Variants in NKAIN2 observed in about 807,000 individuals in gnomAD.
NKAIN2 encodes the protein sodium/potassium-transporting ATPase subunit beta-1-interacting protein 2.
A neutral mutation model predicts 32.6 loss-of-function variants in NKAIN2; 14 were observed. The ratio of observed to expected loss-of-function variants is 0.43; its 90% CI spans 0.28 to 0.67. NKAIN2 has a LOEUF of 0.67. NKAIN2 is among the 30% of genes least tolerant of loss of function. The pLI is 0.17. For synonymous variants in NKAIN2, 80 were observed against 87.2 expected, an observed-to-expected ratio of 0.92 and a Z score of 0.46; for missense variants, 198 against 258.3, an observed-to-expected ratio of 0.77 and a Z score of 1.60.
intron 2 of NKAIN2, among the ~76,000 whole-genome samples, chr6:124,348,149 G>C (rs1322653004): frequency 2.0e-5 from 3 of 152,132 alleles, no homozygotes; most frequent in Non-Finnish European, 4.4e-5. Context: ...GCAGAACCGT[G>C]GATTTTCGTG....
chr6:124,819,639 G>C (rs919931098), intron 6 of NKAIN2, among the ~76,000 whole-genome samples: 8 of 152,026 alleles, frequency 5.3e-5, no homozygotes, highest in African/African-American at 7.2e-5. Context: ...CCTCCATATG[G>C]CTGCCAAATT....
At chr6:124,645,747 G>A (rs935500774) in intron 3 of NKAIN2, among the ~76,000 whole-genome samples, 3 of 152,170 alleles carry the variant, frequency 2.0e-5, no homozygotes, top group Non-Finnish European at 4.4e-5. Context: ...CAACATGAAA[G>A]TTAAAGATAA....
chr6:124,605,331 A>G (rs1233056797), intron 3 of NKAIN2, among the ~76,000 whole-genome samples: 1 of 152,086 alleles, frequency 6.6e-6, no homozygotes, highest in Non-Finnish European at 1.5e-5. Context: ...TTGCATAGGC[A>G]CTATTTTCAA....
Position 124,438,137 on chromosome 6 carries a change from T to A in NKAIN2, c.273+82790T>A, listed in dbSNP as rs938106189. On this transcript the variant is annotated intron_variant, in intron 3 of 6. Transcript: ENST00000368417. ...AGCTTGTCATTGTTTTCATCATTAT[T>A]GGAAAATTTGACATAATTTGTAATC... 1.2e-4 allele frequency among the ~76,000 whole-genome samples: 19 copies of A among 152,122 alleles called. 1 individual carries two copies. Among genetic ancestry groups the A allele is most frequent in the Admixed American group, 1.0e-3 (16 of 15,266 alleles).
intron 4 of NKAIN2, among the ~76,000 whole-genome samples, chr6:124,780,928 G>A (rs1779233402): frequency 1.3e-5 from 2 of 152,150 alleles, no homozygotes; most frequent in African/African-American, 4.8e-5. Flanking sequence ...TCTCCTACAT[G>A]CTCCAGGTTT....
intron 1 of NKAIN2, among the ~76,000 whole-genome samples, chr6:123,806,057 A>G (rs1332864167): frequency 6.6e-6 from 1 of 152,160 alleles, no homozygotes; most frequent in Non-Finnish European, 1.5e-5. Flanking sequence ...TGATAAAGCT[A>G]AAGGTTCCTT....
intron 1 of NKAIN2, among the ~76,000 whole-genome samples, chr6:124,021,020 A>AT (rs1357099893): frequency 8.5e-5 from 13 of 152,116 alleles, no homozygotes. Context: ...CTCCTCATTC[A>AT]TTTACTCTCA....
At chr6:124,423,975 T>C (rs577807146) in intron 3 of NKAIN2, among the ~76,000 whole-genome samples, 4 of 152,198 alleles carry the variant, frequency 2.6e-5, no homozygotes, top group Non-Finnish European at 5.9e-5. Context: ...TATTATACTG[T>C]TGTAAACACT....
At chr6:123,813,788 CAG>C (rs1400275282) in intron 1 of NKAIN2, among the ~76,000 whole-genome samples, 1 of 151,662 alleles carries the variant, frequency 6.6e-6, no homozygotes, top group African/African-American at 2.4e-5. Flanking sequence ...GCCTGGGCAA[CAG>C]AGCGAAATCC....
chr6:124,266,105 A>G (rs1794481782), intron 1 of NKAIN2, among the ~76,000 whole-genome samples: 1 of 152,138 alleles, frequency 6.6e-6, no homozygotes. Flanking sequence ...TTAATGTAAT[A>G]TTTTTTGAAT....
chr6:124,495,300 T>C (rs916822085), intron 3 of NKAIN2, among the ~76,000 whole-genome samples: 1 of 152,130 alleles, frequency 6.6e-6, no homozygotes, highest in Non-Finnish European at 1.5e-5. Context: ...TTAAGAGTAA[T>C]TGAATGTGAG....
intron 1 of NKAIN2, among the ~76,000 whole-genome samples, chr6:124,069,258 A>T (rs930957086): frequency 3.3e-5 from 5 of 151,966 alleles, no homozygotes; most frequent in African/African-American, 9.7e-5. Flanking sequence ...TTCACAGTCA[A>T]CTCAATTCTA....
chr6:123,934,871 T>G (rs1776427254), intron 1 of NKAIN2, among the ~76,000 whole-genome samples: 1 of 151,712 alleles, frequency 6.6e-6, no homozygotes, highest in Non-Finnish European at 1.5e-5. Context: ...CTAGAAAAGT[T>G]GTAAAATCTA....
intron 1 of NKAIN2, among the ~76,000 whole-genome samples, chr6:123,816,488 A>G (rs1055050014): frequency 6.6e-6 from 1 of 152,164 alleles, no homozygotes; most frequent in African/African-American, 2.4e-5. Context: ...CCCCGGTGAA[A>G]TTAGGTGGCA....
intron 5 of NKAIN2, among the ~76,000 whole-genome samples, chr6:124,799,033 C>T (rs1047379221): frequency 2.0e-5 from 3 of 152,194 alleles, no homozygotes; most frequent in African/African-American, 7.2e-5. Context: ...ATGACATCTC[C>T]TCAGAATTCA....
chr6:124,762,622 T>C (rs1778324227), intron 4 of NKAIN2, among the ~76,000 whole-genome samples: 1 of 152,214 alleles, frequency 6.6e-6, no homozygotes, highest in Non-Finnish European at 1.5e-5. Context: ...TGTTATTTTG[T>C]TTTTGAAAGA....
intron 3 of NKAIN2, among the ~76,000 whole-genome samples, chr6:124,623,465 TAAAC>T (rs1388734423): frequency 1.3e-5 from 2 of 152,090 alleles, no homozygotes; most frequent in Admixed American, 6.6e-5. Flanking sequence ...AGTATGAAAA[TAAAC>T]AGAAAAGAAA....
chr6:124,509,039 A>G (rs1166075152), intron 3 of NKAIN2, among the ~76,000 whole-genome samples: 4 of 152,326 alleles, frequency 2.6e-5, no homozygotes, highest in South Asian at 2.1e-4. Flanking sequence ...CCTGCGGCTT[A>G]GGACTTCGAT....
chr6:123,848,141 T>A (rs1286153416), intron 1 of NKAIN2, among the ~76,000 whole-genome samples: 1 of 152,184 alleles, frequency 6.6e-6, no homozygotes, highest in Non-Finnish European at 1.5e-5. Context: ...ACTGTATACA[T>A]TTACTGTTAT....
Sources: gnomAD v4.1 joint callset for allele counts (sites outside exome capture counted in the v4.1 genomes callset) on GRCh38, gnomAD v4.1.1 for gene constraint, MANE v1.5 for transcripts, NCBI Gene and HGNC (gene_info 2026-07-23, HGNC 2026-07-21) for gene names.